The following GPR55 variants were observed in gnomAD, a reference collection of about 807,000 sequenced individuals.
The protein encoded by GPR55 is G protein-coupled receptor 55, also known as G-protein coupled receptor 55.
GPR55 carries 6 observed loss-of-function variants against 7.9 expected under a neutral mutation model. That is an observed-to-expected ratio of 0.76 (90% CI 0.41 to 1.49). GPR55 has a LOEUF of 1.49. Ranked by LOEUF, GPR55 falls within the 40% of genes most tolerant of loss-of-function variation. The pLI is 0.01. For missense variants in GPR55, 376 were observed against 406.0 expected, an observed-to-expected ratio of 0.93 and a Z score of 0.63; for synonymous variants, 183 against 166.8, an observed-to-expected ratio of 1.10 and a Z score of -0.75.
chr2:230,941,417 C>G (rs973012815), intron 1 of GPR55, among the ~76,000 whole-genome samples: 1 of 152,216 alleles, frequency 6.6e-6, no homozygotes, highest in Non-Finnish European at 1.5e-5. Flanking sequence ...GGGGGCCTGC[C>G]CCCGCTCCCA....
chr2:230,928,746 G>A (rs1474969585), upstream of GPR55, among the ~76,000 whole-genome samples: 1 of 152,160 alleles, frequency 6.6e-6, no homozygotes, highest in Non-Finnish European at 1.5e-5. Context: ...CAAGGAAAAG[G>A]GGTCCTAAAA....
chr2:230,942,286 T>TCTGCCTCCTTCTC (rs375156646), intron 1 of GPR55, among the ~76,000 whole-genome samples: 9 of 152,008 alleles, frequency 5.9e-5, no homozygotes, highest in African/African-American at 1.2e-4. Flanking sequence ...GCCTCCTTCT[T>TCTGCCTCCTTCTC]CTGCCTCCTT....
At position 230,909,225 on chromosome 2, in the gene GPR55, A is replaced by T. The variant is rs12467769; in HGVS notation, c.*778T>A. 11,551 of 152,436 alleles carry T rather than the reference A, an allele frequency of 0.076. 442 individuals carry two copies. The highest frequency in any genetic ancestry group is 0.14 in the Middle Eastern group (41 of 298). 9.4% of individuals were successfully genotyped at this position (152,436 alleles called of 1,614,324 possible). ...GTGGACACCCTGATGGTGATAGGGG[A>T]GGGGCTGTGTGCTTCCAGCCCTGGG... On this transcript the variant is annotated 3_prime_UTR_variant, in exon 2 of 2. Coordinates refer to ENST00000650999, the MANE Select transcript of GPR55 (RefSeq NM_005683.4).
At chr2:230,945,588 T>G (rs759001390) in intron 1 of GPR55, among the ~76,000 whole-genome samples, 5 of 152,216 alleles carry the variant, frequency 3.3e-5, no homozygotes, top group East Asian at 1.9e-4. Flanking sequence ...TGTTGTTGTT[T>G]TTGAGACGGA....
intron 1 of GPR55, among the ~76,000 whole-genome samples, chr2:230,958,102 T>G (rs1691519856): frequency 6.6e-6 from 1 of 152,162 alleles, no homozygotes; most frequent in South Asian, 2.1e-4. Context: ...GAAGAAAATT[T>G]TTGAATTATT....
chr2:230,937,227 A>C (rs1691145477), intron 1 of GPR55, among the ~76,000 whole-genome samples: 1 of 151,890 alleles, frequency 6.6e-6, no homozygotes, highest in Non-Finnish European at 1.5e-5. Context: ...CAACATAGTA[A>C]GACCCCGTCT....
At chr2:230,940,362 C>T (rs1167907233) in intron 1 of GPR55, among the ~76,000 whole-genome samples, 1 of 152,144 alleles carries the variant, frequency 6.6e-6, no homozygotes, top group Non-Finnish European at 1.5e-5. Context: ...GATTCAAGGC[C>T]ATCAGTGGGA....
At chr2:230,953,991 G>A (rs1425968020) in intron 1 of GPR55, among the ~76,000 whole-genome samples, 1 of 152,224 alleles carries the variant, frequency 6.6e-6, no homozygotes, top group Non-Finnish European at 1.5e-5. Context: ...TGATGAGCAG[G>A]CCTGTGGAGC....
At chr2:230,925,969 G>C (rs1461109303), upstream of GPR55, among the ~76,000 whole-genome samples, 2 of 152,244 alleles carry the variant, frequency 1.3e-5, no homozygotes, top group East Asian at 3.9e-4. Context: ...TTAGCTGGGA[G>C]CCCTCATAGA....
upstream of GPR55, among the ~76,000 whole-genome samples, chr2:230,927,539 C>T (rs1690963491): frequency 6.6e-6 from 1 of 152,200 alleles, no homozygotes; most frequent in African/African-American, 2.4e-5. Flanking sequence ...CTTAAGCCTC[C>T]TGAAACTTCT....
At chr2:230,941,494 G>A (rs930207608) in intron 1 of GPR55, among the ~76,000 whole-genome samples, 23 of 152,346 alleles carry the variant, frequency 1.5e-4, no homozygotes, top group South Asian at 1.0e-3. Context: ...GCCATGGTGA[G>A]CTGTGTGCCC....
intron 1 of GPR55, among the ~76,000 whole-genome samples, chr2:230,935,706 A>G (rs1156662923): frequency 6.6e-6 from 1 of 152,214 alleles, no homozygotes; most frequent in East Asian, 1.9e-4. Context: ...GAGGGTACGG[A>G]ATACCGACAC....
rs1373503166 is a variant in GPR55 at position 230,910,219 on chromosome 2, C to A, written c.744G>T (p.Leu248=). Residue 248 remains leucine, a synonymous_variant, in exon 2 of 2, where the codon CTG becomes CTT. Coordinates refer to ENST00000650999, the MANE Select transcript of GPR55 (RefSeq NM_005683.4). This position sits in a 1 kb window ranked among gnomAD's most constrained non-coding sequence, Gnocchi z 5.4. ...TAAAGCTGTTTCTCACCAGGAACTG[C>A]AGGAAGAACCCCAGGTGGACTGGGA... The part of the protein sequence containing the change: ...SFLPVHLGFF[L]QFLVRNSFIV... 2 of 1,614,102 alleles carry A rather than the reference C, an allele frequency of 1.2e-6. No homozygotes were observed. Among genetic ancestry groups the A allele is most frequent in the East Asian group, 4.5e-5 (2 of 44,888 alleles).
At chr2:230,954,257 G>T (rs1383761295) in intron 1 of GPR55, among the ~76,000 whole-genome samples, 1 of 152,222 alleles carries the variant, frequency 6.6e-6, no homozygotes, top group Non-Finnish European at 1.5e-5. Flanking sequence ...AGATGGCACT[G>T]CCAACACCCC....
At chr2:230,914,667 C>T (rs1235775527) in intron 1 of GPR55, among the ~76,000 whole-genome samples, 1 of 123,872 alleles carries the variant, frequency 8.1e-6, no homozygotes, top group Non-Finnish European at 1.7e-5. Context: ...GGGAACGGGG[C>T]GGGGGGCAGC....
upstream of GPR55, among the ~76,000 whole-genome samples, chr2:230,926,463 G>A (rs1385596299): frequency 2.6e-5 from 4 of 152,282 alleles, no homozygotes; most frequent in East Asian, 7.7e-4. Context: ...GGGCAAGGGG[G>A]GGCAGCCAGG....
chr2:230,925,009 T>G (rs1281047400), intron 1 of GPR55, among the ~76,000 whole-genome samples, 159 bp downstream of exon 1: 1 of 152,158 alleles, frequency 6.6e-6, no homozygotes, highest in Non-Finnish European at 1.5e-5. Context: ...GCCGCTGCCC[T>G]GACACCTGGG....
intron 1 of GPR55, among the ~76,000 whole-genome samples, chr2:230,914,052 T>C (rs1574618727): frequency 6.6e-6 from 1 of 152,230 alleles, no homozygotes; most frequent in East Asian, 1.9e-4. Flanking sequence ...CTGTCAGCTG[T>C]TACCGGCCAA....
At chr2:230,919,517 T>A (rs1205879005) in intron 1 of GPR55, among the ~76,000 whole-genome samples, 2 of 152,208 alleles carry the variant, frequency 1.3e-5, no homozygotes. Flanking sequence ...TTTTTGCTTA[T>A]CAAATTTAAC....
Sources: allele counts gnomAD v4.1 joint callset (sites outside exome capture counted in the v4.1 genomes callset), GRCh38; gene constraint gnomAD v4.1.1; non-coding constraint Gnocchi (gnomAD v3.1); transcripts MANE v1.5; gene names NCBI Gene and HGNC (gene_info 2026-07-23, HGNC 2026-07-21).